Variants in THRB observed in about 807,000 individuals in gnomAD.
THRB encodes the protein nuclear receptor subfamily 1 group A member 2.
In THRB, 12 loss-of-function variants were observed where a neutral mutation model predicts 47.8. The observed-to-expected ratio is 0.25, with a 90% CI of 0.16 to 0.41. The LOEUF (loss-of-function observed/expected upper bound fraction) is 0.41, where lower values mean the gene tolerates loss of function less well. Among genes scored for constraint, THRB ranks in the 10% least tolerant of loss-of-function variants. THRB has a pLI of 1.00. For missense variants in THRB, 348 were observed against 589.2 expected (o/e 0.59, Z 4.24); for synonymous variants, 218 against 212.2 (o/e 1.03, Z -0.24).
intron 1 of THRB, among the ~76,000 whole-genome samples, chr3:24,387,413 CT>C (rs2066209396): frequency 6.6e-6 from 1 of 152,162 alleles, no homozygotes; most frequent in Non-Finnish European, 1.5e-5. Flanking sequence ...GTTGGCATTA[CT>C]TTGGTGAGCT....
At chr3:24,146,388 T>C (rs574241042) in intron 7 of THRB, among the ~76,000 whole-genome samples, 1 of 152,326 alleles carries the variant, frequency 6.6e-6, no homozygotes, top group South Asian at 2.1e-4. Context: ...CAACTAGGCC[T>C]GCAAATGTGA....
rs765491769 is a variant in THRB at position 24,146,784 on chromosome 3, T to A, written c.423A>T (p.Pro141=). 11 of 1,613,704 alleles carry A rather than the reference T, an allele frequency of 6.8e-6. No individual in the cohort carries two copies. The highest frequency in any genetic ancestry group is 8.5e-6 in the Non-Finnish European group (10 of 1,179,672). Residue 141 remains proline, a synonymous_variant, in exon 7 of 11, where the codon CCA becomes CCT. Transcript: ENST00000646209. ...TTCCTTCATATTTACAGGAATAGGA[T>A]GGATGGAGATTTTTCTGAATGGTTC... ...FRRTIQKNLH[P]SYSCKYEGKC...
chr3:24,121,238 C>G lies in THRB; in HGVS notation c.*1646G>C, dbSNP rs943735078. On this transcript the variant is annotated 3_prime_UTR_variant, in exon 11 of 11. Coordinates refer to ENST00000646209, the MANE Select transcript of THRB (RefSeq NM_001354712.2). The stretch of plus-strand genomic sequence containing the variant: ...AAAACCAAGACCTAGAATTACAAAT[C>G]TACCAGTTGACAGAGCACGAACTAG... 4 of 152,568 alleles carry G rather than the reference C, an allele frequency of 2.6e-5. No homozygotes were observed. The highest frequency in any genetic ancestry group is 1.5e-5 in the Non-Finnish European group (1 of 68,046). 9.5% of individuals were successfully genotyped at this position (152,568 alleles called of 1,614,324 possible).
chr3:24,344,980 GA>G (rs940724825), intron 1 of THRB, among the ~76,000 whole-genome samples: 37 of 149,588 alleles, frequency 2.5e-4, no homozygotes, highest in African/African-American at 3.9e-4. Context: ...CTTAGCAGGG[GA>G]AAAAAAAAAT....
At chr3:24,218,647 G>A (rs1029437496) in intron 4 of THRB, among the ~76,000 whole-genome samples, 2 of 151,936 alleles carry the variant, frequency 1.3e-5, no homozygotes, top group African/African-American at 2.4e-5. Flanking sequence ...CCTCATAATG[G>A]CTGTTGTATG....
At chr3:24,131,025 T>A (rs1463890160) in intron 9 of THRB, among the ~76,000 whole-genome samples, 1 of 152,126 alleles carries the variant, frequency 6.6e-6, no homozygotes, top group African/African-American at 2.4e-5. Context: ...CTGGTAACGA[T>A]CTGCTTCTTT....
At chr3:24,404,515 T>C (rs2067669172) in intron 1 of THRB, among the ~76,000 whole-genome samples, 1 of 151,962 alleles carries the variant, frequency 6.6e-6, no homozygotes. Context: ...AAAATGAGAA[T>C]AGATATGAGA....
chr3:24,392,777 T>A (rs968793276), intron 1 of THRB, among the ~76,000 whole-genome samples: 7 of 152,134 alleles, frequency 4.6e-5, no homozygotes, highest in Non-Finnish European at 1.0e-4. Flanking sequence ...TTTAGATTTA[T>A]ATATACCAGG....
intron 5 of THRB, among the ~76,000 whole-genome samples, chr3:24,177,424 G>C (rs1206680236): frequency 6.6e-6 from 1 of 152,126 alleles, no homozygotes; most frequent in East Asian, 1.9e-4. Context: ...TTTATTCTCA[G>C]CATATAGTAC....
chr3:24,487,172 A>G (rs958402345), intron 1 of THRB, among the ~76,000 whole-genome samples: 2 of 151,798 alleles, frequency 1.3e-5, no homozygotes, highest in African/African-American at 4.9e-5. Context: ...GTGTGTGTGA[A>G]AAAGCAAAAA....
chr3:24,399,093 G>A (rs1560101570), intron 1 of THRB, among the ~76,000 whole-genome samples: 2 of 151,860 alleles, frequency 1.3e-5, no homozygotes, highest in Middle Eastern at 3.2e-3. Context: ...TGGGGGGAGT[G>A]GGGAGGGATA....
chr3:24,433,881 C>T (rs557429106), intron 1 of THRB, among the ~76,000 whole-genome samples: 20 of 152,266 alleles, frequency 1.3e-4, no homozygotes, highest in African/African-American at 4.6e-4. Context: ...AATTCACAGC[C>T]ATAACGCTGA....
chr3:24,399,854 C>G (rs78676427), intron 1 of THRB, among the ~76,000 whole-genome samples: 3,943 of 152,184 alleles, frequency 0.026, 196 homozygotes, highest in African/African-American at 0.09. Context: ...CATTCTTGGT[C>G]TCCAGTTGAA....
At chr3:24,382,662 CAG>C (rs2065804405) in intron 1 of THRB, among the ~76,000 whole-genome samples, 1 of 152,026 alleles carries the variant, frequency 6.6e-6, no homozygotes, top group African/African-American at 2.4e-5. Context: ...GATTAAGAAA[CAG>C]AAAAACAGAG....
intron 3 of THRB, among the ~76,000 whole-genome samples, chr3:24,280,463 T>C (rs2054443448): frequency 6.6e-6 from 1 of 151,938 alleles, no homozygotes; most frequent in Non-Finnish European, 1.5e-5. Flanking sequence ...AGACCAAAAG[T>C]AGGTAAAACC....
At chr3:24,382,310 T>A (rs1304173032) in intron 1 of THRB, among the ~76,000 whole-genome samples, 3 of 152,132 alleles carry the variant, frequency 2.0e-5, no homozygotes, top group African/African-American at 7.2e-5. Context: ...TTTTGGTATC[T>A]AATGCATCTA....
chr3:24,395,369 C>T (rs1047251506), intron 1 of THRB, among the ~76,000 whole-genome samples: 1 of 151,950 alleles, frequency 6.6e-6, no homozygotes, highest in Non-Finnish European at 1.5e-5. Flanking sequence ...AATCATATAT[C>T]TTATAAGAAA....
chr3:24,436,765 C>T lies in THRB; in HGVS notation c.-261+57887G>A, dbSNP rs907791327. ...TCTAACCACCTGGGCCAAGCTTCTT[C>T]GAAATGCTCTGAGCACTTCTCATTT... On this transcript the variant is annotated intron_variant, in intron 1 of 10. Coordinates refer to ENST00000646209, the MANE Select transcript of THRB (RefSeq NM_001354712.2). Among the ~76,000 whole-genome samples the T allele has an allele frequency of 3.4e-4, 52 of 152,112 alleles. 1 individual carries two copies. The highest frequency in any genetic ancestry group is 3.3e-3 in the Admixed American group (50 of 15,266).
chr3:24,390,386 T>C (rs1461701093), intron 1 of THRB, among the ~76,000 whole-genome samples: 1 of 152,174 alleles, frequency 6.6e-6, no homozygotes, highest in African/African-American at 2.4e-5. Context: ...CTTACTATGT[T>C]GATCAGCACA....
Sources: gnomAD v4.1 joint callset for allele counts (sites outside exome capture counted in the v4.1 genomes callset) on GRCh38, gnomAD v4.1.1 for gene constraint, MANE v1.5 for transcripts, NCBI Gene and HGNC (gene_info 2026-07-23, HGNC 2026-07-21) for gene names.